The following INPP5A variants were observed in gnomAD, a reference collection of about 807,000 sequenced individuals.
The protein encoded by INPP5A is inositol polyphosphate-5-phosphatase A.
In INPP5A, 14 loss-of-function variants were observed where a neutral mutation model predicts 65.2. The observed-to-expected ratio is 0.21, with a 90% confidence interval of 0.14 to 0.34. The LOEUF (loss-of-function observed/expected upper bound fraction) is 0.34, where lower values mean the gene tolerates loss of function less well. Ranked by LOEUF, INPP5A falls within the 10% of genes least tolerant of loss-of-function variation. The pLI is 1.00. For synonymous variants in INPP5A, 207 were observed against 208.3 expected (o/e 0.99, Z 0.05); for missense variants, 431 against 545.6 (o/e 0.79, Z 2.09).
intron 1 of INPP5A, among the ~76,000 whole-genome samples, chr10:132,596,953 A>T (rs372360224): frequency 8.5e-6 from 1 of 118,276 alleles, no homozygotes. Context: ...GCGTGTGTGC[A>T]CACATGTGTG....
chr10:132,667,589 A>G (rs1365967879), intron 4 of INPP5A, among the ~76,000 whole-genome samples: 1 of 152,260 alleles, frequency 6.6e-6, no homozygotes, highest in East Asian at 1.9e-4. Flanking sequence ...CACCCCGGAC[A>G]CGATGTAATT....
chr10:132,692,554 C>T (rs1590930352), intron 5 of INPP5A, among the ~76,000 whole-genome samples: 1 of 152,172 alleles, frequency 6.6e-6, no homozygotes, highest in Non-Finnish European at 1.5e-5. Context: ...CCAGGAGATT[C>T]CTTATAGGCG....
At chr10:132,614,763 G>A (rs189505028) in intron 2 of INPP5A, among the ~76,000 whole-genome samples, 5 of 152,360 alleles carry the variant, frequency 3.3e-5, no homozygotes, top group Admixed American at 6.5e-5. Context: ...CGATGAGATC[G>A]CAAGGAGAGG....
intron 12 of INPP5A, among the ~76,000 whole-genome samples, chr10:132,774,957 G>A (rs1847025138): frequency 2.1e-5 from 2 of 93,880 alleles, no homozygotes; most frequent in African/African-American, 8.4e-5. Flanking sequence ...GGGAGGAGGG[G>A]CAGGGAGGAG....
intron 13 of INPP5A, among the ~76,000 whole-genome samples, chr10:132,778,280 T>A (rs953744644): frequency 6.7e-6 from 1 of 150,046 alleles, no homozygotes; most frequent in African/African-American, 2.5e-5. Flanking sequence ...AGATTTCCTG[T>A]GATTTTTTTT....
chr10:132,779,135 G>A (rs1350630112), intron 13 of INPP5A, among the ~76,000 whole-genome samples: 1 of 152,262 alleles, frequency 6.6e-6, no homozygotes, highest in Non-Finnish European at 1.5e-5. Flanking sequence ...CCCACCTCTG[G>A]CCTGTGGGCA....
intron 1 of INPP5A, among the ~76,000 whole-genome samples, chr10:132,583,178 T>C (rs944635043): frequency 6.6e-6 from 1 of 152,240 alleles, no homozygotes; most frequent in Non-Finnish European, 1.5e-5. Flanking sequence ...GTTTATGTTT[T>C]TTATGTCATT....
In INPP5A at chr10:132,727,022, A is replaced by G. The variant is rs1278556406; in HGVS notation, c.732+117A>G. The stretch of plus-strand genomic sequence containing the variant: ...CAATGCCATCCGCCTCCCGGGATGC[A>G]CTTTTTAAGGCAAAACCTTTCAATG... On this transcript the variant is annotated intron_variant, in intron 9 of 15. Transcript: ENST00000368594. This position sits in a 1 kb window ranked among gnomAD's most constrained non-coding sequence, Gnocchi z 6.5. 1 of 616,656 alleles carries G rather than the reference A, an allele frequency of 1.6e-6. No homozygotes were observed. The highest frequency in any genetic ancestry group is 2.7e-6 in the Non-Finnish European group (1 of 367,210). 38.2% of individuals were successfully genotyped at this position (616,656 alleles called of 1,614,324 possible).
intron 1 of INPP5A, among the ~76,000 whole-genome samples, chr10:132,554,235 A>C (rs111469254): frequency 9.7e-4 from 147 of 152,296 alleles, no homozygotes; most frequent in African/African-American, 3.3e-3. Flanking sequence ...CTCACAGGGC[A>C]AAGGGGTAGT....
rs553961359 is a variant in INPP5A, at chr10:132,565,287, G to A, written c.75+27116G>A. 6.6e-5 allele frequency among the ~76,000 whole-genome samples: 10 copies of A among 152,220 alleles called. No homozygotes were observed. The East Asian group carries it at 1.9e-3, about 29-fold the overall frequency. On this transcript the variant is annotated intron_variant, in intron 1 of 15. Transcript: ENST00000368594. ...ACCACACCTGGCCAGTTTTAAGTCT[G>A]ACCCTAAACAACTCAAGGAATAAGC... is the stretch of plus-strand genomic sequence containing the variant.
chr10:132,713,130 T>C (rs1001016345), intron 8 of INPP5A, among the ~76,000 whole-genome samples: 2 of 150,186 alleles, frequency 1.3e-5, no homozygotes, highest in African/African-American at 4.9e-5. Flanking sequence ...ATGCAGGTTG[T>C]GGGTGTGTGG....
intron 2 of INPP5A, among the ~76,000 whole-genome samples, chr10:132,624,296 A>T (rs988156360): frequency 2.0e-5 from 3 of 152,228 alleles, no homozygotes; most frequent in South Asian, 2.1e-4. Context: ...GTGGGCACAG[A>T]GATGAGCGGT....
At position 132,726,810 on chromosome 10, in the gene INPP5A, T is replaced by C. The variant is rs748282164; in HGVS notation, c.648-11T>C. 36 of 1,592,250 alleles carry C rather than the reference T, an allele frequency of 2.3e-5. 1 individual carries two copies. The South Asian group carries it at 3.0e-4, about 13-fold the overall frequency. On this transcript the variant is annotated splice_polypyrimidine_tract_variant and intron_variant, in intron 8 of 15. Transcript: ENST00000368594. ...AGCGCCCTCGGTAACAAGTCCTCTT[T>C]TTCTTTCCAGAATCATTGATCAGCG...
At chr10:132,631,498 G>A (rs903596712) in intron 2 of INPP5A, among the ~76,000 whole-genome samples, 3 of 152,250 alleles carry the variant, frequency 2.0e-5, no homozygotes, top group African/African-American at 4.8e-5. Flanking sequence ...GTCCCTCTGC[G>A]CGCCTTATCT....
intron 1 of INPP5A, among the ~76,000 whole-genome samples, chr10:132,583,552 T>A (rs1253112652): frequency 2.0e-5 from 3 of 148,228 alleles, no homozygotes; most frequent in African/African-American, 7.4e-5. Context: ...ATTGTTCCTT[T>A]AAAAAAAAAA....
intron 2 of INPP5A, among the ~76,000 whole-genome samples, chr10:132,628,773 C>G (rs2072227684): frequency 6.6e-6 from 1 of 152,178 alleles, no homozygotes; most frequent in Non-Finnish European, 1.5e-5. Flanking sequence ...TCAAAAGCTT[C>G]TCTTAGAATC....
At chr10:132,599,176 A>C (rs2071746389) in intron 1 of INPP5A, among the ~76,000 whole-genome samples, 1 of 152,206 alleles carries the variant, frequency 6.6e-6, no homozygotes, top group Admixed American at 6.5e-5. Flanking sequence ...AAAAGTCCAC[A>C]GTCCAGTCTT....
chr10:132,647,640 G>A (rs1191432336), intron 3 of INPP5A, among the ~76,000 whole-genome samples: 6 of 152,148 alleles, frequency 3.9e-5, no homozygotes, highest in African/African-American at 1.4e-4. Context: ...ATCGAGGCAG[G>A]TGCGCAGCCC....
chr10:132,695,341 GA>G (rs1456819209), intron 5 of INPP5A, among the ~76,000 whole-genome samples: 3 of 152,252 alleles, frequency 2.0e-5, no homozygotes, highest in Non-Finnish European at 4.4e-5. Flanking sequence ...GAATAGAGGG[GA>G]AGTTCCTCAA....
Sources: gnomAD v4.1 joint callset for allele counts (sites outside exome capture counted in the v4.1 genomes callset) on GRCh38, gnomAD v4.1.1 for gene constraint, Gnocchi (gnomAD v3.1) non-coding constraint, MANE v1.5 for transcripts, NCBI Gene and HGNC (gene_info 2026-07-23, HGNC 2026-07-21) for gene names.